Variants in TEX15 observed in about 807,000 individuals in gnomAD.
TEX15 encodes testis expressed 15, meiosis and synapsis associated.
A neutral mutation model predicts 237.3 loss-of-function variants in TEX15; 171 were observed. The observed-to-expected ratio is 0.72, with a 90% CI of 0.64 to 0.82. The LOEUF (loss-of-function observed/expected upper bound fraction) is 0.82, where lower values mean the gene tolerates loss of function less well. Among genes scored for constraint, TEX15 ranks in the 40% least tolerant of loss-of-function variants. The pLI, the probability that TEX15 is intolerant of heterozygous loss-of-function variation, is 0.00. For synonymous variants in TEX15, 1,338 were observed against 1,269.8 expected (o/e 1.05, Z -1.14); for missense variants, 3,750 against 3,646.5 (o/e 1.03, Z -0.73).
chr8:30,870,934 T>C (rs1203106898), intron 4 of TEX15, among the ~76,000 whole-genome samples: 1 of 152,080 alleles, frequency 6.6e-6, no homozygotes, highest in Non-Finnish European at 1.5e-5. Context: ...AGGATCTCTT[T>C]CCAAGTTGGC....
At chr8:30,891,315 G>A (rs1275298152) in intron 2 of TEX15, among the ~76,000 whole-genome samples, 1 of 151,964 alleles carries the variant, frequency 6.6e-6, no homozygotes, top group Non-Finnish European at 1.5e-5. Flanking sequence ...TGCCAACCAT[G>A]CTTGGCTATT....
At chr8:30,891,599 C>G (rs1808797093) in intron 2 of TEX15, among the ~76,000 whole-genome samples, 1 of 152,046 alleles carries the variant, frequency 6.6e-6, no homozygotes, top group African/African-American at 2.4e-5. Context: ...CCTGGCTCAG[C>G]CTCCCAAGTA....
chr8:30,877,290 T>A (rs936581038), intron 3 of TEX15, among the ~76,000 whole-genome samples: 1 of 152,198 alleles, frequency 6.6e-6, no homozygotes, highest in East Asian at 1.9e-4. Context: ...CTGCTGACTG[T>A]TGATTGTGAA....
At position 30,888,582 on chromosome 8, in the gene TEX15, A is replaced by C. The variant is rs1341613962; in HGVS notation, c.-9-1271T>G. On this transcript the variant is annotated intron_variant, in intron 2 of 10. Coordinates refer to ENST00000643185, the MANE Select transcript of TEX15 (RefSeq NM_001350162.2). ...TAGAACTCAAGCTGGATTTCAAAAG[A>C]AAGCTATGGAGTATACACACAGGGA... 3 of 1,272,290 alleles carry C rather than the reference A, an allele frequency of 2.4e-6. No individual in the cohort carries two copies. In the East Asian group the frequency reaches 1.7e-4, roughly 71 times the overall value. 78.8% of individuals were successfully genotyped at this position (1,272,290 alleles called of 1,614,324 possible).
Position 30,889,865 on chromosome 8 carries a change from A to C in TEX15, c.-9-2554T>G, listed in dbSNP as rs150965843. ...CCTATAACCTTTATATTTATATGTT[A>C]CATATTACAAATTATATCATATGAA... is the stretch of plus-strand genomic sequence containing the variant. On this transcript the variant is annotated intron_variant, in intron 2 of 10. Transcript: ENST00000643185. 5.8e-3 allele frequency among the ~76,000 whole-genome samples: 859 copies of C among 149,358 alleles called. 10 individuals are homozygous for C. Among genetic ancestry groups the C allele is most frequent in the African/African-American group, 0.02 (797 of 40,718 alleles).
intron 3 of TEX15, among the ~76,000 whole-genome samples, chr8:30,879,185 T>C (rs897165335): frequency 3.9e-5 from 6 of 152,200 alleles, no homozygotes; most frequent in Non-Finnish European, 7.4e-5. Flanking sequence ...ATGTAAGTCC[T>C]TGCTCAGATA....
rs920718365 is a variant in TEX15, at chr8:30,833,191, C to G, written c.*95G>C. The G allele has an allele frequency of 6.2e-6, 5 of 800,966 alleles. No individual in the cohort carries two copies. The highest frequency in any genetic ancestry group is 9.9e-6 in the Non-Finnish European group (5 of 503,072). 49.6% of individuals were successfully genotyped at this position (800,966 alleles called of 1,614,324 possible). The stretch of plus-strand genomic sequence containing the variant: ...TGATTTATATTTCCTACCACATTTA[C>G]AAACATTAAAAATCGCTAAATGTTA... On this transcript the variant is annotated 3_prime_UTR_variant, in exon 11 of 11. Transcript: ENST00000643185.
In TEX15 at chr8:30,842,192, T is replaced by C. The variant is rs202142343; in HGVS notation, c.7975A>G (p.Ile2659Val). The C allele has an allele frequency of 1.6e-4, 255 of 1,612,086 alleles. 3 individuals carry two copies. In the South Asian group the frequency reaches 1.8e-3, roughly 12 times the overall value. Residue 2659 changes from isoleucine to valine, a missense_variant, in exon 8 of 11, where the codon ATT (isoleucine) becomes GTT (valine). Ile to Val is a conservative substitution (Grantham distance 29, BLOSUM62 3). Transcript: ENST00000643185. ...LQLKRKEKMNIHIVKPGENNN... is the reference protein window; with the variant it reads ...LQLKRKEKMNVHIVKPGENNN... The stretch of plus-strand genomic sequence containing the variant: ...TTTTCCCCAGGTTTTACAATATGAA[T>C]ATTCATTTTTTCTTTTCTCTTCAGC...
At position 30,836,836 on chromosome 8, in the gene TEX15, G is replaced by C. The variant is rs145745342; in HGVS notation, c.9448C>G (p.Arg3150Gly). The C allele has an allele frequency of 6.8e-6, 11 of 1,611,150 alleles. No homozygotes were observed. Among genetic ancestry groups the C allele is most frequent in the Non-Finnish European group, 9.3e-6 (11 of 1,178,876 alleles). ...CAAGGAACTTCTGGAGGCACAAATCGATTAGGAAGGTAAGGGTATGTAGCT... is the reference window on the plus strand; with the variant it reads ...CAAGGAACTTCTGGAGGCACAAATCCATTAGGAAGGTAAGGGTATGTAGCT... ...PQATYPYLPN[R>G]FVPPEVPWVY... The change falls in exon 10 of 11, where the codon CGA (arginine) becomes GGA (glycine). Residue 3150 changes from arginine to glycine, a missense_variant. Physicochemically the swap from Arg to Gly is moderately radical, Grantham distance 125. Transcript: ENST00000643185.
chr8:30,907,010 C>T (rs928491555), intron 1 of TEX15, among the ~76,000 whole-genome samples: 2 of 152,028 alleles, frequency 1.3e-5, no homozygotes, highest in East Asian at 3.9e-4. Context: ...ATAAAACATA[C>T]CATACAGATG....
chr8:30,861,551 G>A (rs1052351986), intron 5 of TEX15, among the ~76,000 whole-genome samples: 9 of 152,196 alleles, frequency 5.9e-5, no homozygotes, highest in African/African-American at 2.2e-4. Flanking sequence ...ATTAGCAAAA[G>A]CCAAATAAAG....
Position 30,845,446 on chromosome 8 carries a change from A to G in TEX15, c.4721T>C (p.Ile1574Thr), listed in dbSNP as rs1478076091. The G allele has an allele frequency of 6.8e-6, 11 of 1,612,830 alleles. 1 individual carries two copies. In the South Asian group the frequency reaches 1.1e-4, roughly 16 times the overall value. ...AGTGCTAGATAAAAATGCTGTATCA[A>G]TTTGATTTTCTTTTTCTATTAGTTT... ...DEKLIEKENQIDTAFLSSTSK... is the reference protein window; with the variant it reads ...DEKLIEKENQTDTAFLSSTSK... The change falls in exon 8 of 11, where the codon ATT becomes ACT. Residue 1574 changes from isoleucine to threonine, a missense_variant. By Grantham distance (89) the Ile-to-Thr change is moderately conservative. Transcript: ENST00000643185.
rs767556730 is a variant in TEX15 at position 30,848,662 on chromosome 8, G to C, written c.1505C>G (p.Ser502Cys). 35 of 1,614,188 alleles carry C rather than the reference G, an allele frequency of 2.2e-5. No homozygotes were observed. Among genetic ancestry groups the C allele is most frequent in the Non-Finnish European group, 2.8e-5 (33 of 1,180,016 alleles). ...AGCCCAAGATTGTGAATCATTAACA[G>C]AAGTTTTAAAGCAAGGGGTATCCAA... is the stretch of plus-strand genomic sequence containing the variant. ...NGLDTPCFKT[S>C]VNDSQSWAHN... The change falls in exon 8 of 11, where the codon TCT becomes TGT. Residue 502 changes from serine to cysteine, a missense_variant. Physicochemically the swap from Ser to Cys is moderately radical, Grantham distance 112 (BLOSUM62 -1). Coordinates refer to ENST00000643185, the MANE Select transcript of TEX15 (RefSeq NM_001350162.2).
intron 6 of TEX15, 38 bp downstream of exon 6, chr8:30,859,873 A>G (rs1808003926): frequency 2.2e-6 from 3 of 1,349,548 alleles, no homozygotes; most frequent in African/African-American, 1.5e-5. Context: ...AATGTGAAAC[A>G]TGTACTTTTC....
At chr8:30,840,838 A>C (rs1321340778) in intron 8 of TEX15, among the ~76,000 whole-genome samples, 1 of 152,192 alleles carries the variant, frequency 6.6e-6, no homozygotes, top group East Asian at 1.9e-4. Context: ...AAGATATTCC[A>C]TAATCTGAAA....
intron 4 of TEX15, among the ~76,000 whole-genome samples, chr8:30,870,525 A>G (rs991461255): frequency 6.6e-6 from 1 of 152,118 alleles, no homozygotes; most frequent in Admixed American, 6.6e-5. Flanking sequence ...CGCCTAAAGT[A>G]GAGATTAAAA....
rs750314433 is a variant in TEX15 at position 30,846,841 on chromosome 8, T to C, written c.3326A>G (p.Asp1109Gly). Residue 1109 changes from aspartate (D) to glycine (G), a missense_variant, in exon 8 of 11, where the codon GAT becomes GGT. Transcript: ENST00000643185. ...RISWEGLLAL[D>G]NGEMEVLEST... ...TTCCAAAACTTCCATCTCCCCGTTATCAAGTGCTAACAGACCTTCCCAACT... is the reference window on the plus strand; with the variant it reads ...TTCCAAAACTTCCATCTCCCCGTTACCAAGTGCTAACAGACCTTCCCAACT... 86 of 1,613,834 alleles carry C rather than the reference T, an allele frequency of 5.3e-5. No homozygotes were observed. Among genetic ancestry groups the C allele is most frequent in the Non-Finnish European group, 6.7e-5 (79 of 1,179,856 alleles).
chr8:30,844,028 T>G lies in TEX15; in HGVS notation c.6139A>C (p.Ile2047Leu). 6.2e-7 allele frequency: 1 copy of G among 1,611,650 alleles called. No homozygotes were observed. The highest frequency in any genetic ancestry group is 8.5e-7 in the Non-Finnish European group (1 of 1,179,018). The change falls in exon 8 of 11, where the codon ATT becomes CTT. Residue 2047 changes from isoleucine (I) to leucine (L), a missense_variant. Physicochemically the swap from Ile to Leu is conservative, Grantham distance 5. Coordinates refer to ENST00000643185, the MANE Select transcript of TEX15 (RefSeq NM_001350162.2). ...TGGTCTACCAACAGTTCTCTTGAAA[T>G]CAGGATTTGTTCAACTGAACATTCT... The part of the protein sequence containing the change: ...KQECSVEQIL[I>L]SRELLVDQNL...
Position 30,858,665 on chromosome 8 carries a change from T to C in TEX15, c.850+3A>G. The C allele has an allele frequency of 6.5e-7, 1 of 1,530,388 alleles. No homozygotes were observed. The highest frequency in any genetic ancestry group is 8.7e-7 in the Non-Finnish European group (1 of 1,144,360). The allele number at this position is 1,530,388 out of a possible 1,614,324, so 94.8% of individuals were successfully genotyped here. Reference sequence around the variant, plus strand: ...ATCAAGTACAATCATATGTGTATCTTACCAGCTCTCTTAGGAAATCCTGTT... The same window carrying C: ...ATCAAGTACAATCATATGTGTATCTCACCAGCTCTCTTAGGAAATCCTGTT... On this transcript the variant is annotated splice_donor_region_variant and intron_variant, in intron 7 of 10. Transcript: ENST00000643185.
Sources: gnomAD v4.1 joint callset for allele counts (sites outside exome capture counted in the v4.1 genomes callset) on GRCh38, gnomAD v4.1.1 for gene constraint, MANE v1.5 for transcripts, NCBI Gene and HGNC (gene_info 2026-07-23, HGNC 2026-07-21) for gene names.